AKAP19: variants seen among roughly 807,000 people sequenced by gnomAD.
AKAP19 encodes the protein A-kinase anchoring protein 19.
the AKAP19 span, among the ~76,000 whole-genome samples, chr2:190,101,515 C>G: frequency 5.9e-5 from 9 of 152,128 alleles, no homozygotes; most frequent in Admixed American, 5.9e-4. Context: ...CCCACCCTTC[C>G]TGGAGCAGCA....
the AKAP19 span, among the ~76,000 whole-genome samples, chr2:190,075,692 C>G: frequency 6.6e-6 from 1 of 152,086 alleles, no homozygotes; most frequent in Non-Finnish European, 1.5e-5. Flanking sequence ...TGTATCTTTT[C>G]CCATCCATTC....
the AKAP19 span, chr2:190,062,592 T>C: frequency 6.2e-7 from 1 of 1,611,346 alleles, no homozygotes; most frequent in African/African-American, 1.3e-5. Flanking sequence ...TTGCAGTTTT[T>C]GCATGATTTT....
chr2:190,092,691 A>C, the AKAP19 span, among the ~76,000 whole-genome samples: 2 of 152,230 alleles, frequency 1.3e-5, no homozygotes, highest in African/African-American at 4.8e-5. Flanking sequence ...ATCATTCAGA[A>C]AGATGTAGTG....
the AKAP19 span, among the ~76,000 whole-genome samples, chr2:189,987,104 T>G: frequency 6.6e-6 from 1 of 152,172 alleles, no homozygotes; most frequent in Non-Finnish European, 1.5e-5. Context: ...AAGCTTGAAT[T>G]GTATCTCCCA....
the AKAP19 span, among the ~76,000 whole-genome samples, chr2:189,977,801 A>G: frequency 6.6e-6 from 1 of 152,236 alleles, no homozygotes; most frequent in Non-Finnish European, 1.5e-5. Flanking sequence ...TTATGGAAAC[A>G]CATACACATA....
At chr2:190,030,159 A>T in the AKAP19 span, among the ~76,000 whole-genome samples, 3 of 152,126 alleles carry the variant, frequency 2.0e-5, no homozygotes, top group African/African-American at 7.2e-5. Flanking sequence ...AAATCACCTC[A>T]TGTCCATGTT....
chr2:190,091,698 A>G, the AKAP19 span, among the ~76,000 whole-genome samples: 1 of 152,190 alleles, frequency 6.6e-6, no homozygotes, highest in Non-Finnish European at 1.5e-5. Flanking sequence ...TTTGTACCAG[A>G]ATATCCCTGT....
At chr2:189,993,255 C>A in the AKAP19 span, among the ~76,000 whole-genome samples, 1 of 152,148 alleles carries the variant, frequency 6.6e-6, no homozygotes, top group Admixed American at 6.5e-5. Flanking sequence ...GATGCTTTTT[C>A]TGCATCTATT....
chr2:189,962,256 G>A, the AKAP19 span, among the ~76,000 whole-genome samples: 3 of 152,136 alleles, frequency 2.0e-5, no homozygotes. Flanking sequence ...AGTCTGGGAG[G>A]AATAGGCTCT....
At chr2:190,083,099 C>T in the AKAP19 span, among the ~76,000 whole-genome samples, 8 of 152,152 alleles carry the variant, frequency 5.3e-5, no homozygotes, top group African/African-American at 1.9e-4. Context: ...ACTCTCTTGG[C>T]AGGGTGCGGT....
At chr2:189,888,457 G>GT in the AKAP19 span, among the ~76,000 whole-genome samples, 5 of 151,950 alleles carry the variant, frequency 3.3e-5, no homozygotes, top group Non-Finnish European at 7.4e-5. Context: ...ATTTAAAGTA[G>GT]TTTTTTGTAA....
At chr2:190,072,620 TA>T in the AKAP19 span, among the ~76,000 whole-genome samples, 2 of 152,192 alleles carry the variant, frequency 1.3e-5, no homozygotes, top group Admixed American at 1.3e-4. Flanking sequence ...ACAAATATTG[TA>T]ATAAATGTCC....
chr2:190,180,514 C>G, the AKAP19 span: 1 of 985,448 alleles, frequency 1.0e-6, no homozygotes, highest in African/African-American at 1.7e-5. The surrounding 1 kb of genome is among the most constrained non-coding windows in gnomAD (Gnocchi z 6.8). Context: ...TCGCTGGCTT[C>G]TGCTTTCATT....
the AKAP19 span, among the ~76,000 whole-genome samples, chr2:189,925,364 A>G: frequency 6.6e-6 from 1 of 152,340 alleles, no homozygotes; most frequent in East Asian, 1.9e-4. Flanking sequence ...GTAATAGAAT[A>G]TACTAGACTT....
chr2:190,077,553 C>T, the AKAP19 span, among the ~76,000 whole-genome samples: 1 of 152,150 alleles, frequency 6.6e-6, no homozygotes, highest in Non-Finnish European at 1.5e-5. Context: ...GTCCACCTGC[C>T]TCGGCCTCCC....
chr2:190,122,182 G>A, the AKAP19 span, among the ~76,000 whole-genome samples: 1 of 152,202 alleles, frequency 6.6e-6, no homozygotes, highest in Non-Finnish European at 1.5e-5. Flanking sequence ...GTTTGTGACT[G>A]AAAAACAGTG....
the AKAP19 span, among the ~76,000 whole-genome samples, chr2:189,990,725 A>C: frequency 1.3e-5 from 2 of 152,110 alleles, no homozygotes; most frequent in African/African-American, 4.8e-5. Flanking sequence ...ATTTTATTTC[A>C]AAAGTTTTTT....
chr2:190,154,267 C>T, the AKAP19 span, among the ~76,000 whole-genome samples: 1 of 152,146 alleles, frequency 6.6e-6, no homozygotes, highest in Non-Finnish European at 1.5e-5. Flanking sequence ...TTTATTTGCA[C>T]AGAGTTGTGC....
At chr2:189,942,391 C>T in the AKAP19 span, among the ~76,000 whole-genome samples, 1 of 152,164 alleles carries the variant, frequency 6.6e-6, no homozygotes, top group Admixed American at 6.5e-5. Context: ...CATTGTGCTT[C>T]CTGTAAAGCC....
Sources: allele counts gnomAD v4.1 joint callset (sites outside exome capture counted in the v4.1 genomes callset), GRCh38; gene constraint gnomAD v4.1.1; non-coding constraint Gnocchi (gnomAD v3.1); transcripts MANE v1.5; gene names NCBI Gene and HGNC (gene_info 2026-07-23, HGNC 2026-07-21).